CACNA1A: variants seen among roughly 807,000 people sequenced by gnomAD.
CACNA1A encodes calcium voltage-gated channel subunit alpha1 A, also known as voltage-dependent P/Q-type calcium channel subunit alpha-1A.
A neutral mutation model predicts 262.4 loss-of-function variants in CACNA1A; 57 were observed. The ratio of observed to expected loss-of-function variants is 0.22; its 90% CI spans 0.18 to 0.27. CACNA1A has a LOEUF of 0.27. CACNA1A is among the 10% of genes least tolerant of loss of function. The probability of loss-of-function intolerance (pLI) is 1.00; values close to 1 mark genes in which losing one functional copy is unlikely to be tolerated. For missense variants in CACNA1A, 2,526 were observed against 3,562.8 expected (o/e 0.71, Z 7.41); for synonymous variants, 1,431 against 1,419.3 (o/e 1.01, Z -0.18).
rs1168565802 is a variant in CACNA1A, at chr19:13,368,854, C to T, written c.631+2834G>A. On this transcript the variant is annotated intron_variant, in intron 4 of 46. Coordinates refer to ENST00000360228, the MANE Select transcript of CACNA1A (RefSeq NM_001127222.2). ...GAGATCGAGACCATCCTGGCTAACA[C>T]GGTGAAACCCCGTCTCTACTAAAAA... Among the ~76,000 whole-genome samples the T allele has an allele frequency of 5.9e-5, 8 of 135,252 alleles. 2 individuals are homozygous for T. The highest frequency in any genetic ancestry group is 1.8e-4 in the African/African-American group (5 of 27,674). 88.7% of individuals were successfully genotyped at this position (135,252 alleles called of 152,430 possible). A position where few individuals can be genotyped will look rare whatever the true frequency, so the allele number is the denominator to read the frequency against.
intron 3 of CACNA1A, among the ~76,000 whole-genome samples, chr19:13,392,044 A>AG (rs1296424052): frequency 2.6e-5 from 4 of 151,086 alleles, no homozygotes; most frequent in Non-Finnish European, 4.4e-5. Flanking sequence ...AAAAAAAAAA[A>AG]AAAGAAAAAA....
rs971357359 is a variant in CACNA1A, at chr19:13,479,088, C to G, written c.294-23876G>C. Among the ~76,000 whole-genome samples, 18 of 152,278 alleles carry G rather than the reference C, an allele frequency of 1.2e-4. No individual in the cohort carries two copies. In the Middle Eastern group the frequency reaches 0.01, roughly 86 times the overall value. ...ACTCAGGAGGCTGAGGCAGGAGACT[C>G]ACTTGAATCCGGGAGGTGGAGGTTG... On this transcript the variant is annotated intron_variant, in intron 1 of 46. Coordinates refer to ENST00000360228, the MANE Select transcript of CACNA1A (RefSeq NM_001127222.2).
intron 3 of CACNA1A, among the ~76,000 whole-genome samples, chr19:13,416,541 C>T (rs1338537294): frequency 3.3e-5 from 5 of 152,016 alleles, no homozygotes; most frequent in East Asian, 3.9e-4. Context: ...ATCGGCCGGG[C>T]GCGGTGGCTC....
chr19:13,347,334 A>G (rs1205292371), intron 6 of CACNA1A, among the ~76,000 whole-genome samples: 1 of 152,032 alleles, frequency 6.6e-6, no homozygotes, highest in Admixed American at 6.6e-5. Context: ...AAGTGTTAGA[A>G]TTATAGATCA....
intron 10 of CACNA1A, among the ~76,000 whole-genome samples, chr19:13,321,153 C>A (rs572698577): frequency 2.2e-4 from 33 of 151,834 alleles, no homozygotes; most frequent in Non-Finnish European, 2.6e-4. Flanking sequence ...CCTGCCTCAG[C>A]CTCCCAAGTA....
chr19:13,347,507 G>A (rs10418283), intron 6 of CACNA1A, among the ~76,000 whole-genome samples: 2,887 of 152,238 alleles, frequency 0.019, 92 homozygotes, highest in African/African-American at 0.065. Flanking sequence ...CCGCGGGCCA[G>A]CCACCTGTTT....
Position 13,218,352 on chromosome 19 carries a change from AACT to A in CACNA1A, c.5732-3747_5732-3745del, listed in dbSNP as rs150310328. 1.4e-4 allele frequency among the ~76,000 whole-genome samples: 22 copies of A among 152,268 alleles called. No homozygotes were observed. The East Asian group carries it at 4.2e-3, about 29-fold the overall frequency. The stretch of plus-strand genomic sequence containing the variant: ...CCTCTGGAGGGACTGGAGACTGAGT[AACT>A]ACGTCAGCCCTGCCTATATGACAAA... On this transcript the variant is annotated intron_variant, in intron 38 of 46. Transcript: ENST00000360228.
chr19:13,207,880 CTGCTGCTGCTGCTGCTGCG>C lies in CACNA1A; in HGVS notation c.6935_6953del (p.Pro2312ArgfsTer290). On this transcript the variant is annotated frameshift_variant, in exon 47 of 47. Transcript: ENST00000360228. LOFTEE classifies it low-confidence loss of function (END_TRUNC). This position sits in a 1 kb window ranked among gnomAD's most constrained non-coding sequence, Gnocchi z 5.7. ...CCGCCTGCTGCTGCTGCTGCTGCTGCTGCTGCTGCTGCTGCTGCGGGGGCCCCGAGCCGCCGGCCTTACG... is the reference window on the plus strand; with the variant it reads ...CCGCCTGCTGCTGCTGCTGCTGCTGCGGGGCCCCGAGCCGCCGGCCTTACG... 1 of 1,447,916 alleles carries C rather than the reference CTGCTGCTGCTGCTGCTGCG, an allele frequency of 6.9e-7. No individual in the cohort carries two copies. Among genetic ancestry groups the C allele is most frequent in the East Asian group, 2.9e-5 (1 of 34,834 alleles). The allele number at this position is 1,447,916 out of a possible 1,614,324, so 89.7% of individuals were successfully genotyped here.
intron 3 of CACNA1A, among the ~76,000 whole-genome samples, chr19:13,448,522 C>A (rs894465332): frequency 3.9e-5 from 6 of 152,056 alleles, no homozygotes; most frequent in Non-Finnish European, 7.4e-5. Context: ...ACAAAAAAAA[C>A]CACACAGGGA....
chr19:13,239,679 A>T (rs775630096), intron 31 of CACNA1A, among the ~76,000 whole-genome samples: 11 of 152,078 alleles, frequency 7.2e-5, no homozygotes, highest in Non-Finnish European at 1.6e-4. Context: ...TTGAGATTTA[A>T]CAGAACAAGG....
In CACNA1A at chr19:13,330,231, G is replaced by A. The variant is rs760698023; in HGVS notation, c.1345+13C>T. On this transcript the variant is annotated intron_variant, in intron 10 of 46. Coordinates refer to ENST00000360228, the MANE Select transcript of CACNA1A (RefSeq NM_001127222.2). ...TGATGAACAACTGATAGGTGGCAGA[G>A]GAAGGGACTCACCCACAGAGGCTAT... 3 of 1,539,928 alleles carry A rather than the reference G, an allele frequency of 1.9e-6. No homozygotes were observed. The highest frequency in any genetic ancestry group is 1.8e-6 in the Non-Finnish European group (2 of 1,135,478).
chr19:13,390,896 CT>C (rs202165882), intron 3 of CACNA1A, among the ~76,000 whole-genome samples: 10 of 148,898 alleles, frequency 6.7e-5, no homozygotes, highest in Non-Finnish European at 1.0e-4. Context: ...GCTATTGCAT[CT>C]TTTTTTTTTG....
chr19:13,376,996 GT>G lies in CACNA1A; in HGVS notation c.540-5218del, dbSNP rs2059431827. Among the ~76,000 whole-genome samples the G allele has an allele frequency of 2.1e-5, 3 of 144,000 alleles. No individual in the cohort carries two copies. The South Asian group carries it at 6.5e-4, about 31-fold the overall frequency. The allele number at this position is 144,000 out of a possible 152,430, so 94.5% of individuals were successfully genotyped here. On this transcript the variant is annotated intron_variant, in intron 3 of 46. Coordinates refer to ENST00000360228, the MANE Select transcript of CACNA1A (RefSeq NM_001127222.2). ...GTATTTTAGATGAAGTCGCACTCTTGTTGCCCAGGCTGGAGTGCAATGGCAC... is the reference window on the plus strand; with the variant it reads ...GTATTTTAGATGAAGTCGCACTCTTGTGCCCAGGCTGGAGTGCAATGGCAC...
chr19:13,310,527 G>C (rs2058013017), intron 12 of CACNA1A, among the ~76,000 whole-genome samples: 1 of 109,706 alleles, frequency 9.1e-6, no homozygotes, highest in African/African-American at 3.5e-5. Flanking sequence ...GAGAGAGAGA[G>C]AGAGTTTAAT....
chr19:13,402,869 CACACATATATATATATAT>C (rs1473735486), intron 3 of CACNA1A, among the ~76,000 whole-genome samples: 1,524 of 75,670 alleles, frequency 0.02, 41 homozygotes, highest in East Asian at 0.19. Flanking sequence ...CACACACACA[CACACATATATATATATAT>C]ATATATATAT....
At chr19:13,395,030 T>C (rs1279695639) in intron 3 of CACNA1A, among the ~76,000 whole-genome samples, 1 of 152,056 alleles carries the variant, frequency 6.6e-6, no homozygotes, top group Non-Finnish European at 1.5e-5. Context: ...TCCCGGGACT[T>C]TGGGAGGCCG....
intron 36 of CACNA1A, 179 bp downstream of exon 36, chr19:13,229,903 T>G: frequency 1.5e-6 from 1 of 661,176 alleles, no homozygotes; most frequent in Non-Finnish European, 2.4e-6. Context: ...ACCCTACGTG[T>G]TTAATCTGGG....
chr19:13,342,337 T>C (rs1386515400), intron 6 of CACNA1A, among the ~76,000 whole-genome samples: 1 of 152,128 alleles, frequency 6.6e-6, no homozygotes, highest in Non-Finnish European at 1.5e-5. Context: ...ACAGATCTCT[T>C]CTCCTGGTTC....
Position 13,348,587 on chromosome 19 carries a change from C to T in CACNA1A, c.978+11019G>A, listed in dbSNP as rs374238437. Among the ~76,000 whole-genome samples, 260 of 152,258 alleles carry T rather than the reference C, an allele frequency of 1.7e-3. 1 individual carries two copies. The highest frequency in any genetic ancestry group is 6.1e-3 in the African/African-American group (254 of 41,574). The stretch of plus-strand genomic sequence containing the variant: ...GCACAGTGGCTCACGCCTGTAATCC[C>T]GGCACTTTGGGAGGCCAAGGCGGGC... On this transcript the variant is annotated intron_variant, in intron 6 of 46. Transcript: ENST00000360228.
Sources: allele counts gnomAD v4.1 joint callset (sites outside exome capture counted in the v4.1 genomes callset), GRCh38; gene constraint gnomAD v4.1.1; non-coding constraint Gnocchi (gnomAD v3.1); transcripts MANE v1.5; gene names NCBI Gene and HGNC (gene_info 2026-07-23, HGNC 2026-07-21).